IGF2BP3: variants seen among roughly 807,000 people sequenced by gnomAD.
The protein encoded by IGF2BP3 is insulin-like growth factor 2 mRNA-binding protein 3.
In IGF2BP3, 9 loss-of-function variants were observed where a neutral mutation model predicts 73.8. The ratio of observed to expected loss-of-function variants is 0.12; its 90% confidence interval spans 0.07 to 0.21. The LOEUF is 0.21. Among genes scored for constraint, IGF2BP3 ranks in the 10% least tolerant of loss-of-function variants. The pLI, the probability that IGF2BP3 is intolerant of heterozygous loss-of-function variation, is 1.00. For missense variants in IGF2BP3, 542 were observed against 714.0 expected (o/e 0.76, Z 2.75); for synonymous variants, 258 against 256.7 (o/e 1.01, Z -0.05).
intron 2 of IGF2BP3, among the ~76,000 whole-genome samples, chr7:23,440,497 T>C (rs868244575): frequency 6.6e-6 from 1 of 152,234 alleles, no homozygotes; most frequent in African/African-American, 2.4e-5. Context: ...ACAATCTGTA[T>C]AGGGTATTAC....
chr7:23,317,676 A>C lies in IGF2BP3; in HGVS notation c.1358T>G (p.Met453Arg), dbSNP rs980537757. ...CTCTGGTGGTCCAGTGATAATCACC[A>C]TCCTCACTTTAGCATCTGGTGCTTC... ...PAEAPDAKVR[M>R]VIITGPPEAQ... is the part of the protein sequence containing the mutation. Residue 453 changes from methionine (M) to arginine (R), a missense_variant, in exon 12 of 15, where the codon ATG (methionine) becomes AGG (arginine). By Grantham distance (91) the Met-to-Arg change is moderately conservative. This residue lies in a region of IGF2BP3 where 303 missense variants were observed against 472.1 expected (regional missense o/e 0.64). Transcript: ENST00000258729. The C allele has an allele frequency of 2.5e-6, 4 of 1,614,034 alleles. No homozygotes were observed. Among genetic ancestry groups the C allele is most frequent in the Admixed American group, 3.3e-5 (2 of 60,006 alleles).
chr7:23,362,690 A>T (rs1030217025), intron 3 of IGF2BP3: 13 of 152,232 alleles, frequency 8.5e-5, no homozygotes, highest in African/African-American at 3.1e-4. Flanking sequence ...AGCAAAACAA[A>T]GTAAGTTTCT....
intron 3 of IGF2BP3, among the ~76,000 whole-genome samples, chr7:23,408,845 C>T (rs189379012): frequency 8.5e-5 from 13 of 152,238 alleles, no homozygotes; most frequent in African/African-American, 3.1e-4. Context: ...GTAGAATACA[C>T]AGACAGAGGA....
At chr7:23,354,734 GTGGCCCGGGGCTCTAGTCC>G (rs1360040707) in intron 5 of IGF2BP3, among the ~76,000 whole-genome samples, 2 of 152,142 alleles carry the variant, frequency 1.3e-5, no homozygotes, top group African/African-American at 2.4e-5. Flanking sequence ...AAGAGGTCAG[GTGGCCCGGGGCTCTAGTCC>G]CCAGTGTACC....
intron 3 of IGF2BP3, among the ~76,000 whole-genome samples, chr7:23,396,041 GT>G (rs10718892): frequency 0.59 from 84,586 of 143,336 alleles, 25,034 homozygotes; most frequent in East Asian, 0.81. Flanking sequence ...AATCCAGTGA[GT>G]TTTTTTTTTT....
At chr7:23,464,256 C>A (rs1788513051) in intron 2 of IGF2BP3, among the ~76,000 whole-genome samples, 1 of 152,172 alleles carries the variant, frequency 6.6e-6, no homozygotes, top group Non-Finnish European at 1.5e-5. Context: ...ACATTTAAAA[C>A]CCCGATGACT....
At chr7:23,445,606 C>G (rs1234018377) in intron 2 of IGF2BP3, among the ~76,000 whole-genome samples, 1 of 152,090 alleles carries the variant, frequency 6.6e-6, no homozygotes, top group Non-Finnish European at 1.5e-5. Flanking sequence ...GTACATTATT[C>G]ATCAAGAGAC....
intron 2 of IGF2BP3, among the ~76,000 whole-genome samples, chr7:23,433,848 G>A (rs952118234): frequency 6.6e-6 from 1 of 152,152 alleles, no homozygotes; most frequent in African/African-American, 2.4e-5. Flanking sequence ...GCCGAGGCGG[G>A]AGGATCATCT....
chr7:23,398,325 G>A (rs1429958391), intron 3 of IGF2BP3, among the ~76,000 whole-genome samples: 1 of 152,144 alleles, frequency 6.6e-6, no homozygotes, highest in Non-Finnish European at 1.5e-5. Flanking sequence ...TTGGACATTT[G>A]GGTTGGTTCC....
chr7:23,320,536 T>A (rs1037850209), intron 10 of IGF2BP3, among the ~76,000 whole-genome samples: 1 of 149,630 alleles, frequency 6.7e-6, no homozygotes, highest in South Asian at 2.1e-4. Flanking sequence ...CTTCTAACAA[T>A]ATAGTGAGAA....
At chr7:23,467,925 G>A (rs1395625027) in intron 2 of IGF2BP3, 1 of 155,340 alleles carries the variant, frequency 6.4e-6, no homozygotes, top group Non-Finnish European at 1.4e-5. Flanking sequence ...GAACTTCGGA[G>A]TGACTCAAAG....
intron 3 of IGF2BP3, among the ~76,000 whole-genome samples, chr7:23,387,110 T>A (rs1583974432): frequency 6.8e-6 from 1 of 147,132 alleles, no homozygotes; most frequent in Non-Finnish European, 1.5e-5. Flanking sequence ...GGAAGGAAGG[T>A]AGGTAGGTTG....
chr7:23,402,239 A>G (rs1786691051), intron 3 of IGF2BP3: 1 of 152,242 alleles, frequency 6.6e-6, no homozygotes, highest in Non-Finnish European at 1.5e-5. Flanking sequence ...TCTAAGATGG[A>G]TTTACCTGTA....
intron 2 of IGF2BP3, among the ~76,000 whole-genome samples, chr7:23,428,331 G>A (rs1787573736): frequency 6.6e-6 from 1 of 151,886 alleles, no homozygotes; most frequent in South Asian, 2.1e-4. Context: ...AATTAGCCGA[G>A]CATGGTGGCA....
intron 2 of IGF2BP3, among the ~76,000 whole-genome samples, chr7:23,433,557 T>C (rs1208078685): frequency 1.3e-5 from 2 of 151,872 alleles, no homozygotes; most frequent in Non-Finnish European, 2.9e-5. Flanking sequence ...CATAGCTCAC[T>C]GCAGCCTCAA....
chr7:23,395,178 G>GT (rs1001435311), intron 3 of IGF2BP3, among the ~76,000 whole-genome samples: 14 of 152,032 alleles, frequency 9.2e-5, no homozygotes, highest in African/African-American at 3.1e-4. Context: ...TTTCCTTAAA[G>GT]TTTTTTTAAT....
chr7:23,425,585 G>T (rs1787485237), intron 2 of IGF2BP3, among the ~76,000 whole-genome samples: 1 of 152,014 alleles, frequency 6.6e-6, no homozygotes, highest in Admixed American at 6.5e-5. Context: ...CATTCCCCAG[G>T]CTGGTCTGGA....
chr7:23,320,182 G>C (rs1362400785), intron 10 of IGF2BP3, among the ~76,000 whole-genome samples: 1 of 152,068 alleles, frequency 6.6e-6, no homozygotes, highest in Non-Finnish European at 1.5e-5. Flanking sequence ...AAAGTGCTGG[G>C]ATTACAGGCG....
chr7:23,415,374 G>A (rs1437720567), intron 3 of IGF2BP3: 2 of 143,322 alleles, frequency 1.4e-5, no homozygotes, highest in East Asian at 2.9e-4. Context: ...TCACCGCATC[G>A]CCAGGTCCCC....
Sources: gnomAD v4.1 joint callset for allele counts (sites outside exome capture counted in the v4.1 genomes callset) on GRCh38, gnomAD v4.1.1 for gene constraint, gnomAD v4.1.1 regional missense constraint, MANE v1.5 for transcripts, NCBI Gene and HGNC (gene_info 2026-07-23, HGNC 2026-07-21) for gene names.